SMC5: variants seen among roughly 807,000 people sequenced by gnomAD.
SMC5 encodes the protein structural maintenance of chromosomes protein 5.
In SMC5, 88 loss-of-function variants were observed where a neutral mutation model predicts 148.3. The ratio of observed to expected loss-of-function variants is 0.59; its 90% confidence interval spans 0.50 to 0.71. The LOEUF is 0.71. Ranked by LOEUF, SMC5 falls within the 30% of genes least tolerant of loss-of-function variation. The pLI is 0.00. For synonymous variants in SMC5, 421 were observed against 432.8 expected (o/e 0.97, Z 0.34); for missense variants, 1,142 against 1,298.9 (o/e 0.88, Z 1.86).
intron 17 of SMC5, among the ~76,000 whole-genome samples, chr9:70,332,120 T>C (rs1342629888): frequency 6.6e-6 from 1 of 152,162 alleles, no homozygotes; most frequent in Non-Finnish European, 1.5e-5. Context: ...AATAGGTGAC[T>C]AGACTAACCT....
At chr9:70,312,329 A>G in intron 11 of SMC5, among the ~76,000 whole-genome samples, 1 of 152,056 alleles carries the variant, frequency 6.6e-6, no homozygotes, top group East Asian at 1.9e-4. Context: ...CTTTTAAACC[A>G]TCAGATTGTG....
Position 70,273,064 on chromosome 9 carries a change from A to G in SMC5, c.381-4246A>G, listed in dbSNP as rs76829138. Among the ~76,000 whole-genome samples, 115 of 152,064 alleles carry G rather than the reference A, an allele frequency of 7.6e-4. 2 individuals carry two copies. In the East Asian group the frequency reaches 0.018, roughly 24 times the overall value. On this transcript the variant is annotated intron_variant, in intron 3 of 24. Transcript: ENST00000361138. ...TGCTAGATGGGTTTTCTAGTATTTT[A>G]TTTAGAATTTTTACATCCGTATTTT... is the stretch of plus-strand genomic sequence containing the variant.
intron 1 of SMC5, among the ~76,000 whole-genome samples, chr9:70,264,030 A>G (rs759131436): frequency 1.4e-4 from 21 of 152,182 alleles, no homozygotes; most frequent in Non-Finnish European, 3.1e-4. Context: ...GTGTTTTGTA[A>G]TTATTAAAAA....
chr9:70,331,791 T>C (rs570964426), intron 17 of SMC5, among the ~76,000 whole-genome samples: 2 of 152,336 alleles, frequency 1.3e-5, no homozygotes, highest in East Asian at 1.9e-4. Flanking sequence ...CCATATTTAC[T>C]GTCTCACTGG....
In SMC5 at chr9:70,280,784, A is replaced by G; in HGVS notation, c.704A>G (p.Tyr235Cys). 1 of 1,613,148 alleles carries G rather than the reference A, an allele frequency of 6.2e-7. No individual in the cohort carries two copies. Among genetic ancestry groups the G allele is most frequent in the Non-Finnish European group, 8.5e-7 (1 of 1,179,690 alleles). The change falls in exon 6 of 25, where the codon TAT (tyrosine) becomes TGT (cysteine). Residue 235 changes from tyrosine to cysteine, a missense_variant. Around this residue, in one of 5 missense-constraint regions of SMC5, gnomAD observed 297 missense variants for 302.6 expected, o/e 0.98. Transcript: ENST00000361138. The stretch of plus-strand genomic sequence containing the variant: ...ACCTCATGCAAAGAGAAAACTGAGT[A>G]TCTACAGAAAATGGTTCAGAGGAAT... The part of the protein sequence containing the change: ...LETSCKEKTE[Y>C]LQKMVQRNER...
chr9:70,335,195 A>G (rs773345810), intron 17 of SMC5, among the ~76,000 whole-genome samples: 1 of 152,214 alleles, frequency 6.6e-6, no homozygotes, highest in East Asian at 1.9e-4. Context: ...TGTAATAGCT[A>G]AAAACTGGAA....
chr9:70,312,837 A>G (rs1476156897), intron 11 of SMC5, among the ~76,000 whole-genome samples: 1 of 152,182 alleles, frequency 6.6e-6, no homozygotes, highest in East Asian at 1.9e-4. Context: ...AATATTTTAC[A>G]AAGGATTTTT....
chr9:70,340,739 A>G (rs1401189030), intron 17 of SMC5, among the ~76,000 whole-genome samples: 2 of 152,156 alleles, frequency 1.3e-5, no homozygotes, highest in Non-Finnish European at 2.9e-5. Flanking sequence ...TACAGTTTTC[A>G]TAAGAAATTC....
intron 17 of SMC5, among the ~76,000 whole-genome samples, chr9:70,336,586 C>T (rs534708667): frequency 6.6e-6 from 1 of 152,288 alleles, no homozygotes; most frequent in South Asian, 2.1e-4. Context: ...GAACTAGCTA[C>T]CAGAGGAGAG....
rs946771234 is a variant in SMC5 at position 70,348,690 on chromosome 9, C to CA, written c.2889+664dup. ...TGGGCAACAAAACCAGACCTTGTCT[C>CA]AAAAAAAAAAAAGAATTTAAGAATT... On this transcript the variant is annotated intron_variant, in intron 22 of 24. Transcript: ENST00000361138. Among the ~76,000 whole-genome samples, 757 of 132,004 alleles carry CA rather than the reference C, an allele frequency of 5.7e-3. 3 individuals are homozygous for CA. Among genetic ancestry groups the CA allele is most frequent in the African/African-American group, 0.017 (616 of 35,870 alleles). The allele number at this position is 132,004 out of a possible 152,430, so 86.6% of individuals were successfully genotyped here.
At chr9:70,268,138 A>G (rs1320961009) in intron 3 of SMC5, among the ~76,000 whole-genome samples, 163 bp downstream of exon 3, 1 of 152,200 alleles carries the variant, frequency 6.6e-6, no homozygotes, top group Non-Finnish European at 1.5e-5. Flanking sequence ...GGTTTAAAAA[A>G]TATATTTTAA....
intron 20 of SMC5, among the ~76,000 whole-genome samples, chr9:70,347,362 C>T (rs1036336015): frequency 2.0e-5 from 3 of 152,066 alleles, no homozygotes; most frequent in Non-Finnish European, 4.4e-5. Flanking sequence ...ATAGATTCTT[C>T]CTAAGGAACA....
At chr9:70,323,925 T>C (rs2036011703) in intron 16 of SMC5, 96 bp from the exon 17 acceptor site, 1 of 1,166,262 alleles carries the variant, frequency 8.6e-7, no homozygotes, top group African/African-American at 1.6e-5. Flanking sequence ...AAATTATTTT[T>C]TCATGGTTTA....
chr9:70,337,350 A>G (rs972434123), intron 17 of SMC5, among the ~76,000 whole-genome samples: 5 of 152,168 alleles, frequency 3.3e-5, no homozygotes, highest in South Asian at 2.1e-4. Context: ...TACTCTTCCA[A>G]TAGCCCTTAT....
chr9:70,281,039 A>T (rs1417939148), intron 6 of SMC5, 140 bp downstream of exon 6: 5 of 881,604 alleles, frequency 5.7e-6, no homozygotes, highest in Admixed American at 2.8e-5. Context: ...AATAAAATTC[A>T]TGTCTTTTTT....
At chr9:70,316,662 C>G (rs1440447370) in intron 13 of SMC5, among the ~76,000 whole-genome samples, 1 of 152,006 alleles carries the variant, frequency 6.6e-6, no homozygotes, top group Non-Finnish European at 1.5e-5. Flanking sequence ...AGTGGGACTT[C>G]TTTACTAATT....
chr9:70,343,041 C>A (rs1350355157), intron 17 of SMC5, among the ~76,000 whole-genome samples: 2 of 152,102 alleles, frequency 1.3e-5, no homozygotes, highest in Admixed American at 6.5e-5. Context: ...AGGTGCCATG[C>A]TGTAATGAAA....
chr9:70,268,604 GTT>G (rs886561370), intron 3 of SMC5, among the ~76,000 whole-genome samples: 75 of 142,126 alleles, frequency 5.3e-4, no homozygotes, highest in Middle Eastern at 3.6e-3. Flanking sequence ...AAGTATCTGG[GTT>G]TTTTTTTTTT....
At chr9:70,281,330 G>A (rs1214025218) in intron 6 of SMC5, among the ~76,000 whole-genome samples, 2 of 151,926 alleles carry the variant, frequency 1.3e-5, no homozygotes, top group South Asian at 2.1e-4. Context: ...GTGAGCCACC[G>A]CGCCAGGCTT....
Sources: allele counts gnomAD v4.1 joint callset (sites outside exome capture counted in the v4.1 genomes callset), GRCh38; gene constraint gnomAD v4.1.1; regional missense constraint gnomAD v4.1.1; transcripts MANE v1.5; gene names NCBI Gene and HGNC (gene_info 2026-07-23, HGNC 2026-07-21).